The following CBLB variants were observed in gnomAD, a reference collection of about 807,000 sequenced individuals.
CBLB encodes E3 ubiquitin-protein ligase CBL-B.
A neutral mutation model predicts 104.9 loss-of-function variants in CBLB; 31 were observed. The observed-to-expected ratio is 0.30, with a 90% CI of 0.22 to 0.40. The LOEUF (loss-of-function observed/expected upper bound fraction) is 0.40. Ranked by LOEUF, CBLB falls within the 10% of genes least tolerant of loss-of-function variation. The probability of loss-of-function intolerance (pLI) is 1.00; values close to 1 mark genes in which losing one functional copy is unlikely to be tolerated. For missense variants in CBLB, 1,062 were observed against 1,214.6 expected (o/e 0.87, Z 1.87); for synonymous variants, 440 against 422.6 (o/e 1.04, Z -0.51).
At chr3:105,730,776 A>G (rs2074235496) in intron 9 of CBLB, among the ~76,000 whole-genome samples, 1 of 152,144 alleles carries the variant, frequency 6.6e-6, no homozygotes, top group South Asian at 2.1e-4. Context: ...AGATTAAGAC[A>G]ATAACATTAC....
chr3:105,854,380 T>G (rs185548668), intron 2 of CBLB, among the ~76,000 whole-genome samples: 4 of 152,236 alleles, frequency 2.6e-5, no homozygotes, highest in Non-Finnish European at 5.9e-5. Context: ...TTCTACATGT[T>G]CATGTGATTT....
intron 4 of CBLB, among the ~76,000 whole-genome samples, chr3:105,773,368 G>C (rs1170335843): frequency 6.6e-6 from 1 of 152,168 alleles, no homozygotes. Flanking sequence ...TGATATAATG[G>C]ACTTTGGGGT....
At chr3:105,696,481 T>C (rs2068404191) in intron 12 of CBLB, among the ~76,000 whole-genome samples, 1 of 151,846 alleles carries the variant, frequency 6.6e-6, no homozygotes, top group Non-Finnish European at 1.5e-5. Flanking sequence ...ATTTTCCAGA[T>C]ATCTGAAAAA....
intron 3 of CBLB, among the ~76,000 whole-genome samples, chr3:105,794,866 T>C (rs2082078082): frequency 1.3e-5 from 2 of 151,894 alleles, no homozygotes; most frequent in South Asian, 4.2e-4. Flanking sequence ...AAGAAATGCA[T>C]GCATATATGC....
intron 13 of CBLB, among the ~76,000 whole-genome samples, chr3:105,690,155 A>G (rs936327157): frequency 1.3e-5 from 2 of 152,196 alleles, no homozygotes; most frequent in African/African-American, 2.4e-5. Context: ...GTTAGCTTTG[A>G]CATTCTTGGA....
intron 2 of CBLB, 35 bp from the exon 3 acceptor site, chr3:105,853,699 T>G (rs773881042): frequency 6.9e-7 from 1 of 1,442,038 alleles, no homozygotes; most frequent in East Asian, 2.4e-5. Flanking sequence ...TAAGTCATAA[T>G]ATTTTATTTC....
At chr3:105,749,929 C>T (rs919015953) in intron 5 of CBLB, among the ~76,000 whole-genome samples, 1 of 151,864 alleles carries the variant, frequency 6.6e-6, no homozygotes, top group Non-Finnish European at 1.5e-5. Flanking sequence ...ATCAAAAGCA[C>T]ACTTTCATCA....
At chr3:105,846,445 A>G (rs925127543) in intron 3 of CBLB, among the ~76,000 whole-genome samples, 1 of 152,118 alleles carries the variant, frequency 6.6e-6, no homozygotes, top group Non-Finnish European at 1.5e-5. Flanking sequence ...TATAATAACA[A>G]AAACAATATT....
Position 105,658,952 on chromosome 3 carries a change from T to A in CBLB, c.*18A>T. 6.2e-7 allele frequency: 1 copy of A among 1,612,974 alleles called. No homozygotes were observed. Among genetic ancestry groups the A allele is most frequent in the South Asian group, 1.1e-5 (1 of 91,048 alleles). Reference sequence around the variant, plus strand: ...ATACATCGATTGCTTTCCATTTTGGTGTCTACAGTTCTGGCTGCTATAGAT... The same window carrying A: ...ATACATCGATTGCTTTCCATTTTGGAGTCTACAGTTCTGGCTGCTATAGAT... On this transcript the variant is annotated 3_prime_UTR_variant, in exon 19 of 19. Coordinates refer to ENST00000394030, the MANE Select transcript of CBLB (RefSeq NM_170662.5).
intron 7 of CBLB, 134 bp downstream of exon 7, chr3:105,740,360 A>T (rs889142984): frequency 2.3e-5 from 20 of 871,154 alleles, no homozygotes; most frequent in Non-Finnish European, 3.8e-5. Flanking sequence ...TGAACAAAAA[A>T]CTAAGGAACA....
At chr3:105,826,666 T>C (rs2086625741) in intron 3 of CBLB, among the ~76,000 whole-genome samples, 1 of 152,192 alleles carries the variant, frequency 6.6e-6, no homozygotes, top group Non-Finnish European at 1.5e-5. Flanking sequence ...TCTACAAGGA[T>C]GTACCTGCTG....
chr3:105,782,578 CTTTTTTTTTTT>C (rs11333516), intron 3 of CBLB, among the ~76,000 whole-genome samples: 2 of 137,516 alleles, frequency 1.5e-5, no homozygotes, highest in Admixed American at 7.3e-5. Context: ...CTTTTCTTTT[CTTTTTTTTTTT>C]TTTTTTTTTT....
At chr3:105,753,276 G>A (rs1182672885) in intron 4 of CBLB, among the ~76,000 whole-genome samples, 4 of 151,718 alleles carry the variant, frequency 2.6e-5, no homozygotes, top group African/African-American at 9.7e-5. Context: ...AAAAAAACAG[G>A]AAACCACAGA....
intron 3 of CBLB, among the ~76,000 whole-genome samples, chr3:105,788,133 TCAGAAATTTC>T (rs1443446641): frequency 6.6e-6 from 1 of 152,138 alleles, no homozygotes; most frequent in African/African-American, 2.4e-5. Flanking sequence ...ACCCAACAAC[TCAGAAATTTC>T]CAAATTTGGA....
intron 3 of CBLB, among the ~76,000 whole-genome samples, chr3:105,791,599 T>C (rs944437285): frequency 1.3e-5 from 2 of 152,218 alleles, no homozygotes; most frequent in Admixed American, 1.3e-4. Context: ...TCCCACTTGA[T>C]TCTATGGACT....
chr3:105,866,487 T>C (rs921060810), intron 2 of CBLB, among the ~76,000 whole-genome samples: 2 of 152,206 alleles, frequency 1.3e-5, no homozygotes, highest in African/African-American at 4.8e-5. Context: ...CAGATATCTA[T>C]GAAATAAAGT....
At chr3:105,840,954 T>C (rs1010410665) in intron 3 of CBLB, among the ~76,000 whole-genome samples, 1 of 151,972 alleles carries the variant, frequency 6.6e-6, no homozygotes, top group Non-Finnish European at 1.5e-5. Flanking sequence ...TGTAAAACTG[T>C]TCCTTCTTTA....
Position 105,767,188 on chromosome 3 carries a change from T to A in CBLB, c.566+9208A>T, listed in dbSNP as rs1226898577. ...TTCTTTTTTCTTTCTCTTTAGAGTA[T>A]CTGCTAAAAATTTTCATTGTAAAAA... On this transcript the variant is annotated intron_variant, in intron 4 of 18. Coordinates refer to ENST00000394030, the MANE Select transcript of CBLB (RefSeq NM_170662.5). Among the ~76,000 whole-genome samples, 4 of 152,162 alleles carry A rather than the reference T, an allele frequency of 2.6e-5. No individual in the cohort carries two copies. The East Asian group carries it at 7.7e-4, about 29-fold the overall frequency.
At position 105,791,151 on chromosome 3, in the gene CBLB, C is replaced by G. The variant is rs560866077; in HGVS notation, c.420-14609G>C. ...CAAATGAGCTAGGAGCGTTTCTTCC[C>G]TGTATCCTTATGAAATATAATCTAG... On this transcript the variant is annotated intron_variant, in intron 3 of 18. Transcript: ENST00000394030. Among the ~76,000 whole-genome samples, 29 of 152,272 alleles carry G rather than the reference C, an allele frequency of 1.9e-4. 1 individual carries two copies. The highest frequency in any genetic ancestry group is 6.2e-4 in the South Asian group (3 of 4,820).
Sources: allele counts gnomAD v4.1 joint callset (sites outside exome capture counted in the v4.1 genomes callset), GRCh38; gene constraint gnomAD v4.1.1; transcripts MANE v1.5; gene names NCBI Gene and HGNC (gene_info 2026-07-23, HGNC 2026-07-21).